Variants in TMEM132D observed in about 807,000 individuals in gnomAD.
TMEM132D encodes the protein mature OL transmembrane protein.
In TMEM132D, 21 loss-of-function variants were observed where a neutral mutation model predicts 62.3. That is an observed-to-expected ratio of 0.34 (90% confidence interval 0.24 to 0.49). The LOEUF is 0.49. TMEM132D is among the 20% of genes least tolerant of loss of function. TMEM132D has a pLI of 0.99. For synonymous variants in TMEM132D, 621 were observed against 575.6 expected (o/e 1.08, Z -1.13); for missense variants, 1,346 against 1,402.8 (o/e 0.96, Z 0.65).
intron 3 of TMEM132D, among the ~76,000 whole-genome samples, chr12:129,486,035 T>A (rs35537203): frequency 0.33 from 50,594 of 152,032 alleles, 9,420 homozygotes; most frequent in African/African-American, 0.51. Context: ...GGGCTTCCTG[T>A]TGATGCCGGA....
At chr12:129,299,365 G>A (rs1428052655) in intron 4 of TMEM132D, among the ~76,000 whole-genome samples, 1 of 151,306 alleles carries the variant, frequency 6.6e-6, no homozygotes, top group Non-Finnish European at 1.5e-5. Flanking sequence ...AAATCCATAT[G>A]CAGACTTTTT....
intron 2 of TMEM132D, among the ~76,000 whole-genome samples, chr12:129,661,086 C>A (rs1365865264): frequency 6.6e-6 from 1 of 152,184 alleles, no homozygotes; most frequent in Non-Finnish European, 1.5e-5. Flanking sequence ...GGAGGGAAAA[C>A]GTCACTTCTA....
chr12:129,505,536 C>T (rs1052412002), intron 3 of TMEM132D, among the ~76,000 whole-genome samples: 3 of 152,190 alleles, frequency 2.0e-5, no homozygotes, highest in African/African-American at 7.2e-5. Context: ...AGCCACCACG[C>T]CTGGCCTGTT....
chr12:129,711,132 T>A (rs1881632033), intron 1 of TMEM132D, among the ~76,000 whole-genome samples: 1 of 152,174 alleles, frequency 6.6e-6, no homozygotes, highest in African/African-American at 2.4e-5. Context: ...AAACTTGAAA[T>A]GTAACGCTTC....
At chr12:129,869,121 T>G (rs1874162275) in intron 1 of TMEM132D, among the ~76,000 whole-genome samples, 1 of 152,006 alleles carries the variant, frequency 6.6e-6, no homozygotes, top group South Asian at 2.1e-4. Context: ...GGGTTCCCAC[T>G]GCACCCCATT....
At chr12:129,081,175 C>T (rs1196932892) in intron 7 of TMEM132D, among the ~76,000 whole-genome samples, 1 of 152,226 alleles carries the variant, frequency 6.6e-6, no homozygotes, top group African/African-American at 2.4e-5. Context: ...ATGGTAACGC[C>T]TACCATGGCT....
intron 5 of TMEM132D, among the ~76,000 whole-genome samples, chr12:129,132,954 A>G (rs753455818): frequency 2.0e-5 from 3 of 152,180 alleles, no homozygotes; most frequent in African/African-American, 4.8e-5. Flanking sequence ...TTGACTCAGC[A>G]TTCAGAATGT....
intron 5 of TMEM132D, among the ~76,000 whole-genome samples, chr12:129,095,284 G>A (rs1875066255): frequency 6.6e-6 from 1 of 151,772 alleles, no homozygotes; most frequent in African/African-American, 2.4e-5. Context: ...GGTCTTTATA[G>A]GGGTGCTTAA....
intron 3 of TMEM132D, among the ~76,000 whole-genome samples, chr12:129,392,697 G>T (rs969663752): frequency 2.0e-5 from 3 of 152,130 alleles, no homozygotes; most frequent in Non-Finnish European, 4.4e-5. Flanking sequence ...CACCACCCTT[G>T]ATGGAACAAG....
At chr12:129,230,522 A>T (rs1346068662) in intron 4 of TMEM132D, among the ~76,000 whole-genome samples, 2 of 152,238 alleles carry the variant, frequency 1.3e-5, no homozygotes, top group Non-Finnish European at 1.5e-5. Context: ...CAACTGTCTG[A>T]AACTACGGAG....
intron 4 of TMEM132D, among the ~76,000 whole-genome samples, chr12:129,217,501 T>A (rs975047755): frequency 5.3e-5 from 8 of 152,088 alleles, no homozygotes; most frequent in African/African-American, 1.9e-4. Flanking sequence ...CACCTGAACC[T>A]CCAGCCTTCC....
intron 2 of TMEM132D, among the ~76,000 whole-genome samples, chr12:129,559,124 G>C (rs1877142795): frequency 6.6e-6 from 1 of 152,154 alleles, no homozygotes; most frequent in Admixed American, 6.5e-5. Context: ...ATGTCTTACA[G>C]GGCTGTCAGC....
intron 3 of TMEM132D, among the ~76,000 whole-genome samples, chr12:129,481,543 AG>A (rs75511653): frequency 0.25 from 38,539 of 151,756 alleles, 5,024 homozygotes; most frequent in Non-Finnish European, 0.29. Context: ...TTTACAGAAG[AG>A]GAAATGCAAT....
intron 1 of TMEM132D, among the ~76,000 whole-genome samples, chr12:129,819,571 C>T (rs371657319): frequency 2.6e-5 from 4 of 152,030 alleles, no homozygotes; most frequent in African/African-American, 9.7e-5. Context: ...CTGGAGTCTG[C>T]GGACCCTGAC....
rs572131653 is a variant in TMEM132D at position 129,765,525 on chromosome 12, C to G, written c.80-64827G>C. ...AGGTTGCAGTGAGCTGATATTGCGC[C>G]ATCGCATTCCAGCCTGGGCAACAAG... On this transcript the variant is annotated intron_variant, in intron 1 of 8. Coordinates refer to ENST00000422113, the MANE Select transcript of TMEM132D (RefSeq NM_133448.3). Among the ~76,000 whole-genome samples, 300 of 151,130 alleles carry G rather than the reference C, an allele frequency of 2.0e-3. 1 individual carries two copies. The highest frequency in any genetic ancestry group is 3.8e-3 in the Non-Finnish European group (261 of 67,852).
chr12:129,266,422 C>A (rs1880696913), intron 4 of TMEM132D, among the ~76,000 whole-genome samples: 1 of 150,612 alleles, frequency 6.6e-6, no homozygotes. Flanking sequence ...TTCTCCTGTT[C>A]TGCCCTTCCC....
chr12:129,466,157 T>A (rs774219859), intron 3 of TMEM132D, among the ~76,000 whole-genome samples: 1 of 152,218 alleles, frequency 6.6e-6, no homozygotes, highest in African/African-American at 2.4e-5. Flanking sequence ...ATTGTTATCA[T>A]TATTTTCTGC....
chr12:129,367,715 G>A (rs1180436758), intron 3 of TMEM132D, among the ~76,000 whole-genome samples: 2 of 151,768 alleles, frequency 1.3e-5, no homozygotes, highest in Non-Finnish European at 2.9e-5. Flanking sequence ...GCCAGTCCCA[G>A]CCCTGGATGT....
intron 4 of TMEM132D, among the ~76,000 whole-genome samples, chr12:129,235,981 G>C (rs957579729): frequency 6.6e-6 from 1 of 151,824 alleles, no homozygotes; most frequent in Non-Finnish European, 1.5e-5. Flanking sequence ...ATCCATGAAC[G>C]TGGAATATCT....
Sources: gnomAD v4.1 joint callset for allele counts (sites outside exome capture counted in the v4.1 genomes callset) on GRCh38, gnomAD v4.1.1 for gene constraint, MANE v1.5 for transcripts, NCBI Gene and HGNC (gene_info 2026-07-23, HGNC 2026-07-21) for gene names.